PLCB1: variants seen among roughly 807,000 people sequenced by gnomAD.
PLCB1 encodes 1-phosphatidylinositol 4,5-bisphosphate phosphodiesterase beta-1.
A neutral mutation model predicts 161.8 loss-of-function variants in PLCB1; 46 were observed. The ratio of observed to expected loss-of-function variants is 0.28; its 90% confidence interval spans 0.22 to 0.36. The LOEUF (loss-of-function observed/expected upper bound fraction) is 0.36, where lower values mean the gene tolerates loss of function less well. Ranked by LOEUF, PLCB1 falls within the 10% of genes least tolerant of loss-of-function variation. The probability of loss-of-function intolerance (pLI) is 1.00; values close to 1 mark genes in which losing one functional copy is unlikely to be tolerated. For synonymous variants in PLCB1, 517 were observed against 503.7 expected (o/e 1.03, Z -0.35); for missense variants, 1,016 against 1,472.5 (o/e 0.69, Z 5.07).
intron 3 of PLCB1, among the ~76,000 whole-genome samples, chr20:8,526,057 A>G (rs1984574029): frequency 6.6e-6 from 1 of 152,112 alleles, no homozygotes; most frequent in South Asian, 2.1e-4. Context: ...TGGCTTATGA[A>G]ACACACTAAA....
chr20:8,722,672 C>A (rs2123478541), intron 15 of PLCB1, among the ~76,000 whole-genome samples: 1 of 152,154 alleles, frequency 6.6e-6, no homozygotes, highest in South Asian at 2.1e-4. Flanking sequence ...CTAGAGCTAC[C>A]TATTTATATA....
chr20:8,391,785 GTATATATATATATATATATATATA>G lies in PLCB1; in HGVS notation c.246+20352_246+20375del, dbSNP rs374178427. ...GAAGTATATATATATATATGTGTGT[GTATATATATATATATATATATATA>G]TATATATATATATATACACACACAT... On this transcript the variant is annotated intron_variant, in intron 3 of 31. Coordinates refer to ENST00000338037, the MANE Select transcript of PLCB1 (RefSeq NM_015192.4). 9.6e-4 allele frequency among the ~76,000 whole-genome samples: 111 copies of G among 115,160 alleles called. 2 individuals carry two copies. The highest frequency in any genetic ancestry group is 3.3e-3 in the African/African-American group (103 of 31,140). 75.5% of individuals were successfully genotyped at this position (115,160 alleles called of 152,430 possible).
chr20:8,884,853 T>G lies in PLCB1; in HGVS notation c.*3004T>G, dbSNP rs924292702. 1 of 152,664 alleles carries G rather than the reference T, an allele frequency of 6.6e-6. No individual in the cohort carries two copies. The highest frequency in any genetic ancestry group is 1.5e-5 in the Non-Finnish European group (1 of 68,050). The allele number at this position is 152,664 out of a possible 1,614,324, so 9.5% of individuals were successfully genotyped here. ...TGTTTCTTCCACTTGTAATTTTATGTGCTTTCATCACAAATCCAAAGGAAA... is the reference window on the plus strand; with the variant it reads ...TGTTTCTTCCACTTGTAATTTTATGGGCTTTCATCACAAATCCAAAGGAAA... On this transcript the variant is annotated 3_prime_UTR_variant, in exon 32 of 32. Transcript: ENST00000338037.
intron 7 of PLCB1, chr20:8,653,473 G>A (rs1203725183): frequency 2.0e-5 from 3 of 151,824 alleles, no homozygotes; most frequent in African/African-American, 7.2e-5. Context: ...GTTATTTCAT[G>A]TATTCCATGG....
intron 2 of PLCB1, among the ~76,000 whole-genome samples, chr20:8,219,533 C>G (rs4816054): frequency 1 from 152,294 of 152,294 alleles, 76,147 homozygotes; most frequent in Non-Finnish European, 1. Context: ...GTAACATGAG[C>G]GATTTAGCAT....
At chr20:8,146,250 A>G (rs1182148422) in intron 1 of PLCB1, among the ~76,000 whole-genome samples, 3 of 152,222 alleles carry the variant, frequency 2.0e-5, no homozygotes, top group Non-Finnish European at 4.4e-5. Flanking sequence ...TAATGGAAAA[A>G]GTTGAGAAGC....
chr20:8,209,645 T>C (rs1396029192), intron 2 of PLCB1, among the ~76,000 whole-genome samples: 2 of 152,160 alleles, frequency 1.3e-5, no homozygotes, highest in African/African-American at 2.4e-5. Context: ...AACTAAATAA[T>C]ACAGAAGTAT....
intron 2 of PLCB1, among the ~76,000 whole-genome samples, chr20:8,263,020 G>A (rs1338449419): frequency 6.6e-6 from 1 of 152,182 alleles, no homozygotes; most frequent in Admixed American, 6.5e-5. Context: ...TTCAACAAAT[G>A]AATTTGGGGG....
chr20:8,854,726 G>C (rs1282271037), intron 31 of PLCB1, among the ~76,000 whole-genome samples: 1 of 152,226 alleles, frequency 6.6e-6, no homozygotes, highest in Non-Finnish European at 1.5e-5. Context: ...AGAGCCCACA[G>C]CTGGAGCAGT....
At chr20:8,329,714 C>G (rs979356745) in intron 2 of PLCB1, among the ~76,000 whole-genome samples, 5 of 152,244 alleles carry the variant, frequency 3.3e-5, no homozygotes, top group South Asian at 2.1e-4. Flanking sequence ...CAGCATTGCT[C>G]TCTTTCTAAA....
intron 3 of PLCB1, among the ~76,000 whole-genome samples, chr20:8,585,808 A>T (rs1431040860): frequency 6.6e-6 from 1 of 152,030 alleles, no homozygotes; most frequent in Non-Finnish European, 1.5e-5. Context: ...CTTTTTATAA[A>T]CTCAAATGTA....
intron 14 of PLCB1, among the ~76,000 whole-genome samples, chr20:8,719,476 A>G (rs764849212): frequency 2.1e-4 from 32 of 152,244 alleles, no homozygotes; most frequent in Non-Finnish European, 4.3e-4. Context: ...CATGAGAATA[A>G]TCTATAACTA....
At chr20:8,316,456 C>T (rs1476626069) in intron 2 of PLCB1, among the ~76,000 whole-genome samples, 2 of 152,092 alleles carry the variant, frequency 1.3e-5, no homozygotes, top group Admixed American at 1.3e-4. Flanking sequence ...TCAATTAGTG[C>T]TTATCCAATA....
chr20:8,826,038 G>T (rs777056889), intron 31 of PLCB1, among the ~76,000 whole-genome samples: 1 of 152,166 alleles, frequency 6.6e-6, no homozygotes, highest in East Asian at 1.9e-4. Flanking sequence ...TGACAGCAAC[G>T]TTGGACATAG....
intron 2 of PLCB1, among the ~76,000 whole-genome samples, chr20:8,331,615 G>C (rs1018493542): frequency 6.6e-6 from 1 of 152,160 alleles, no homozygotes; most frequent in Admixed American, 6.5e-5. Flanking sequence ...CAGTTACAAG[G>C]CACTTCACTA....
At chr20:8,459,298 A>C (rs571614982) in intron 3 of PLCB1, among the ~76,000 whole-genome samples, 3 of 152,182 alleles carry the variant, frequency 2.0e-5, no homozygotes, top group Admixed American at 6.5e-5. Flanking sequence ...TGTTTTTTCA[A>C]TCCTGTTCTT....
At chr20:8,213,446 T>C (rs1180430485) in intron 2 of PLCB1, among the ~76,000 whole-genome samples, 1 of 151,994 alleles carries the variant, frequency 6.6e-6, no homozygotes, top group Non-Finnish European at 1.5e-5. Flanking sequence ...GAGGAAGAGC[T>C]TTGAAATCAG....
chr20:8,751,606 C>T (rs1367112817), intron 23 of PLCB1: 1 of 152,122 alleles, frequency 6.6e-6, no homozygotes, highest in African/African-American at 2.4e-5. Context: ...TCAAGTTAGG[C>T]ATATTTTGAA....
chr20:8,775,355 G>T (rs1397987353), intron 27 of PLCB1, among the ~76,000 whole-genome samples: 1 of 152,184 alleles, frequency 6.6e-6, no homozygotes, highest in Non-Finnish European at 1.5e-5. Context: ...GTGACAGATA[G>T]ATTAGATAAA....
Sources: gnomAD v4.1 joint callset for allele counts (sites outside exome capture counted in the v4.1 genomes callset) on GRCh38, gnomAD v4.1.1 for gene constraint, MANE v1.5 for transcripts, NCBI Gene and HGNC (gene_info 2026-07-23, HGNC 2026-07-21) for gene names.